Variants in TMEM232 observed in about 807,000 individuals in gnomAD.
TMEM232 encodes transmembrane protein 232.
A neutral mutation model predicts 78.8 loss-of-function variants in TMEM232; 80 were observed. The observed-to-expected ratio is 1.01, with a 90% confidence interval of 0.85 to 1.22. The LOEUF is 1.22. Among genes scored for constraint, TMEM232 ranks in the 50% most tolerant of loss-of-function variants. The pLI is 0.00. For missense variants in TMEM232, 881 were observed against 742.2 expected (o/e 1.19, Z -2.17); for synonymous variants, 297 against 254.3 (o/e 1.17, Z -1.60).
intron 12 of TMEM232, among the ~76,000 whole-genome samples, chr5:110,481,660 G>A (rs1188881204): frequency 6.6e-6 from 1 of 152,146 alleles, no homozygotes; most frequent in Admixed American, 6.6e-5. Flanking sequence ...GCAAATCACA[G>A]TTTCAAAATA....
intron 12 of TMEM232, among the ~76,000 whole-genome samples, chr5:110,457,608 T>C (rs1761041694): frequency 6.6e-6 from 1 of 152,106 alleles, no homozygotes; most frequent in African/African-American, 2.4e-5. Flanking sequence ...TGTCCTTGAA[T>C]TGATGTATGA....
chr5:110,534,457 C>G (rs146540004), intron 11 of TMEM232, among the ~76,000 whole-genome samples: 2,946 of 152,286 alleles, frequency 0.019, 85 homozygotes, highest in African/African-American at 0.068. Context: ...CCTCAGAATG[C>G]TACAAAGTAC....
At chr5:110,592,591 G>A (rs1355055394) in intron 10 of TMEM232, among the ~76,000 whole-genome samples, 2 of 151,958 alleles carry the variant, frequency 1.3e-5, no homozygotes, top group Non-Finnish European at 2.9e-5. Flanking sequence ...GATAAAATAT[G>A]GGTTATTCAT....
intron 10 of TMEM232, among the ~76,000 whole-genome samples, chr5:110,593,802 C>A (rs1186276829): frequency 6.6e-6 from 1 of 151,952 alleles, no homozygotes; most frequent in East Asian, 1.9e-4. Flanking sequence ...TGTACTTTTA[C>A]AAATAACTAA....
rs550697482 is a variant in TMEM232, at chr5:110,702,846, C to A, written c.-13+23781G>T. Among the ~76,000 whole-genome samples the A allele has an allele frequency of 7.3e-4, 111 of 152,138 alleles. 1 individual carries two copies. In the South Asian group the frequency reaches 0.013, roughly 18 times the overall value. On this transcript the variant is annotated intron_variant, in intron 1 of 13. Coordinates refer to ENST00000455884, the MANE Select transcript of TMEM232 (RefSeq NM_001039763.4). ...GCTTAGTTAACAGCACTCATCAGAG[C>A]TTGTCATTTGGCCAAAAAACAAATG...
chr5:110,524,399 GAAAGAAAGAA>G (rs1770175839), intron 12 of TMEM232, among the ~76,000 whole-genome samples: 1 of 71,894 alleles, frequency 1.4e-5, no homozygotes, highest in Non-Finnish European at 2.6e-5. Context: ...AAGAAAGAAA[GAAAGAAAGAA>G]AGAAAGAAAA....
intron 11 of TMEM232, among the ~76,000 whole-genome samples, chr5:110,537,346 C>A (rs560795662): frequency 1.3e-5 from 2 of 151,780 alleles, no homozygotes; most frequent in East Asian, 1.9e-4. Flanking sequence ...CAGCCTGGAA[C>A]AATGAGCAGT....
intron 6 of TMEM232, among the ~76,000 whole-genome samples, chr5:110,626,908 A>G (rs779782067): frequency 2.6e-5 from 4 of 152,006 alleles, no homozygotes; most frequent in Non-Finnish European, 4.4e-5. Flanking sequence ...TGTTACACCA[A>G]TAATCCATTA....
At chr5:110,503,931 A>G (rs531613390) in intron 12 of TMEM232, among the ~76,000 whole-genome samples, 1 of 152,312 alleles carries the variant, frequency 6.6e-6, no homozygotes, top group Admixed American at 6.5e-5. Context: ...CTATAAGGAC[A>G]TGGAATAATT....
chr5:110,576,640 C>T lies in TMEM232; in HGVS notation c.1277-8015G>A, dbSNP rs748316524. ...AGCTACCCGACTTCAAACTATACTGCGGGGCTACATTAGCCAAAACAGCAT... is the reference window on the plus strand; with the variant it reads ...AGCTACCCGACTTCAAACTATACTGTGGGGCTACATTAGCCAAAACAGCAT... On this transcript the variant is annotated intron_variant, in intron 10 of 13. Coordinates refer to ENST00000455884, the MANE Select transcript of TMEM232 (RefSeq NM_001039763.4). Among the ~76,000 whole-genome samples the T allele has an allele frequency of 3.9e-5, 6 of 152,042 alleles. No homozygotes were observed. In the East Asian group the frequency reaches 5.8e-4, roughly 15 times the overall value.
intron 12 of TMEM232, among the ~76,000 whole-genome samples, chr5:110,453,932 TA>T (rs1343673520): frequency 6.6e-6 from 1 of 151,270 alleles, no homozygotes; most frequent in African/African-American, 2.4e-5. Context: ...ATGTGATTAA[TA>T]AAAAAAATCA....
intron 1 of TMEM232, among the ~76,000 whole-genome samples, chr5:110,675,233 C>G (rs573437153): frequency 1.3e-5 from 2 of 151,716 alleles, no homozygotes; most frequent in African/African-American, 4.8e-5. Context: ...TTAGTAGAGA[C>G]GGGGTTTCAC....
intron 12 of TMEM232, among the ~76,000 whole-genome samples, chr5:110,426,639 A>G (rs1399476088): frequency 1.3e-5 from 2 of 152,014 alleles, no homozygotes; most frequent in East Asian, 3.9e-4. Flanking sequence ...CCCTCTCCCA[A>G]CTTAATTAAT....
Position 110,660,657 on chromosome 5 carries a change from C to T in TMEM232, c.125+6571G>A, listed in dbSNP as rs550336580. Among the ~76,000 whole-genome samples the T allele has an allele frequency of 5.3e-5, 8 of 152,016 alleles. 1 individual carries two copies. In the South Asian group the frequency reaches 1.2e-3, roughly 24 times the overall value. On this transcript the variant is annotated intron_variant, in intron 2 of 13. Transcript: ENST00000455884. Reference sequence around the variant, plus strand: ...TTATACTTTTTAAAAAACAAGCATGCTTAGATTTACCTTTTGCTTTATTAT... The same window carrying T: ...TTATACTTTTTAAAAAACAAGCATGTTTAGATTTACCTTTTGCTTTATTAT...
At chr5:110,397,344 T>A (rs531334971) in intron 3 of TMEM232, among the ~76,000 whole-genome samples, 1 of 152,226 alleles carries the variant, frequency 6.6e-6, no homozygotes, top group South Asian at 2.1e-4. Flanking sequence ...CCCAAACTAA[T>A]AACTAGAGGG....
chr5:110,414,417 T>G (rs1264893655), intron 2 of TMEM232, among the ~76,000 whole-genome samples: 2 of 152,236 alleles, frequency 1.3e-5, no homozygotes, highest in Non-Finnish European at 2.9e-5. Context: ...TGCATACATG[T>G]TTAGAACATA....
At chr5:110,552,780 A>T (rs1302283071) in intron 11 of TMEM232, among the ~76,000 whole-genome samples, 2 of 151,760 alleles carry the variant, frequency 1.3e-5, no homozygotes, top group Non-Finnish European at 2.9e-5. Context: ...CATAATTAAG[A>T]GAATGAAAAC....
At chr5:110,678,728 T>A (rs1341483260) in intron 1 of TMEM232, among the ~76,000 whole-genome samples, 1 of 151,938 alleles carries the variant, frequency 6.6e-6, no homozygotes. Context: ...GTTTTTTTAC[T>A]GTCTGTAGTT....
At chr5:110,607,751 A>C (rs1781694257) in intron 8 of TMEM232, among the ~76,000 whole-genome samples, 1 of 151,840 alleles carries the variant, frequency 6.6e-6, no homozygotes, top group Non-Finnish European at 1.5e-5. Context: ...GTAAGCTATT[A>C]TTTTTCTGGT....
Sources: allele counts gnomAD v4.1 joint callset (sites outside exome capture counted in the v4.1 genomes callset), GRCh38; gene constraint gnomAD v4.1.1; transcripts MANE v1.5; gene names NCBI Gene and HGNC (gene_info 2026-07-23, HGNC 2026-07-21).